Variants in DPY19L2 observed in about 807,000 individuals in gnomAD.
DPY19L2 encodes dpy-19 like 2, also known as probable C-mannosyltransferase DPY19L2.
In DPY19L2, 34 loss-of-function variants were observed where a neutral mutation model predicts 97.9. The ratio of observed to expected loss-of-function variants is 0.35; its 90% CI spans 0.26 to 0.46. The LOEUF is 0.46. Among genes scored for constraint, DPY19L2 ranks in the 20% least tolerant of loss-of-function variants. The probability of loss-of-function intolerance (pLI) is 1.00; values close to 1 mark genes in which losing one functional copy is unlikely to be tolerated. For synonymous variants in DPY19L2, 230 were observed against 307.9 expected, an observed-to-expected ratio of 0.75 and a Z score of 2.65; for missense variants, 623 against 911.4, an observed-to-expected ratio of 0.68 and a Z score of 4.07.
rs758845444 is a variant in DPY19L2, at chr12:63,583,827, G to C, written c.1590C>G (p.Leu530=). 1.2e-6 allele frequency: 2 copies of C among 1,611,002 alleles called. No individual in the cohort carries two copies. Among genetic ancestry groups the C allele is most frequent in the Non-Finnish European group, 1.7e-6 (2 of 1,178,016 alleles). The stretch of plus-strand genomic sequence containing the variant: ...AAAGCTTTACCTCACTGTGTTCAAG[G>C]AGCTGTTTTCTAGAATAAAACAAAA... ...LATNIYLRKQ[L]LEHSELAFHT... is the part of the protein sequence containing the mutation. Residue 530 remains leucine, a synonymous_variant, in exon 17 of 22, where the codon CTC becomes CTG. Coordinates refer to ENST00000324472, the MANE Select transcript of DPY19L2 (RefSeq NM_173812.5).
chr12:63,628,583 T>C (rs555896996), intron 6 of DPY19L2, among the ~76,000 whole-genome samples: 1 of 152,060 alleles, frequency 6.6e-6, no homozygotes, highest in Non-Finnish European at 1.5e-5. Context: ...TCGAACAGGG[T>C]GGAGCCCACC....
rs544358659 is a variant in DPY19L2, at chr12:63,579,563, T to C, written c.1900+1099A>G. Among the ~76,000 whole-genome samples the C allele has an allele frequency of 1.2e-4, 19 of 152,024 alleles. No individual in the cohort carries two copies. In the South Asian group the frequency reaches 3.7e-3, roughly 30 times the overall value. On this transcript the variant is annotated intron_variant, in intron 19 of 21. Transcript: ENST00000324472. ...TGTAGGCTCTCTGTCAGGAACCCAA[T>C]ACAAACACTGGAACAAAGAAAGACA...
chr12:63,616,861 A>G (rs7956162), intron 11 of DPY19L2, among the ~76,000 whole-genome samples: 44,698 of 151,792 alleles, frequency 0.29, 7,638 homozygotes, highest in African/African-American at 0.48. Context: ...ATATTCACAA[A>G]ATTTTGGTCA....
intron 19 of DPY19L2, among the ~76,000 whole-genome samples, chr12:63,572,741 G>A (rs1879114373): frequency 6.6e-6 from 1 of 152,102 alleles, no homozygotes; most frequent in Non-Finnish European, 1.5e-5. Flanking sequence ...GAAAGAGAGA[G>A]AGAGAGACTC....
chr12:63,627,454 G>A lies in DPY19L2; in HGVS notation c.804-928C>T, dbSNP rs189391601. 3.2e-3 allele frequency among the ~76,000 whole-genome samples: 484 copies of A among 152,112 alleles called. 3 individuals are homozygous for A. The highest frequency in any genetic ancestry group is 0.011 in the African/African-American group (470 of 41,494). ...AACCTCTGCCTCCCTGGTTCAAGCC[G>A]ATTCTTCTGCCTCAGCCTCCCGAGT... is the stretch of plus-strand genomic sequence containing the variant. On this transcript the variant is annotated intron_variant, in intron 6 of 21. Coordinates refer to ENST00000324472, the MANE Select transcript of DPY19L2 (RefSeq NM_173812.5).
At chr12:63,567,756 C>G (rs1878017009) in intron 21 of DPY19L2, among the ~76,000 whole-genome samples, 1 of 151,854 alleles carries the variant, frequency 6.6e-6, no homozygotes, top group Non-Finnish European at 1.5e-5. Flanking sequence ...TTTTTGGCCT[C>G]CATTTTAAAA....
rs1272695665 is a variant in DPY19L2 at position 63,662,975 on chromosome 12, T to C, written c.450+783A>G. On this transcript the variant is annotated intron_variant, in intron 3 of 21. Transcript: ENST00000324472. ...GTTTGGGATAGCAAAAAGTTCTGGA[T>C]GTGGACAGTGGTAATAGTTGCAAGA... Among the ~76,000 whole-genome samples, 7 of 152,212 alleles carry C rather than the reference T, an allele frequency of 4.6e-5. 1 individual carries two copies. Among genetic ancestry groups the C allele is most frequent in the Admixed American group, 6.5e-5 (1 of 15,284 alleles).
At chr12:63,562,176 C>T (rs888451367) in intron 21 of DPY19L2, among the ~76,000 whole-genome samples, 8 of 152,172 alleles carry the variant, frequency 5.3e-5, no homozygotes, top group Admixed American at 3.9e-4. Context: ...TACATATTAA[C>T]ATAGGTATAC....
In DPY19L2 at chr12:63,668,079, G is replaced by A. The variant is rs1412466326; in HGVS notation, c.315C>T (p.Ser105=). Residue 105 remains serine (S), a synonymous_variant, in exon 1 of 22, where the codon TCC becomes TCT. Coordinates refer to ENST00000324472, the MANE Select transcript of DPY19L2 (RefSeq NM_173812.5). ...KVQELQARRF[S]SRTTLGIAVF... ...CACCGATGCCGAGAGTGGTTCTGCTGGAGAACCGCCGCGCCTGCAGTTCCT... is the reference window on the plus strand; with the variant it reads ...CACCGATGCCGAGAGTGGTTCTGCTAGAGAACCGCCGCGCCTGCAGTTCCT... 2.5e-5 allele frequency: 40 copies of A among 1,613,864 alleles called. No homozygotes were observed. Among genetic ancestry groups the A allele is most frequent in the Non-Finnish European group, 3.3e-5 (39 of 1,179,966 alleles).
chr12:63,569,166 G>C, intron 21 of DPY19L2, 58 bp downstream of exon 21: 5 of 1,523,518 alleles, frequency 3.3e-6, no homozygotes, highest in South Asian at 1.3e-5. Context: ...CTATAATAAA[G>C]TGAAACATTT....
chr12:63,576,422 T>C (rs1879836026), intron 19 of DPY19L2, among the ~76,000 whole-genome samples: 1 of 151,810 alleles, frequency 6.6e-6, no homozygotes, highest in Non-Finnish European at 1.5e-5. Flanking sequence ...TTATTCAACA[T>C]AGTACTGGAA....
intron 6 of DPY19L2, among the ~76,000 whole-genome samples, chr12:63,635,969 A>G (rs1222379169): frequency 2.0e-5 from 3 of 152,124 alleles, no homozygotes; most frequent in Non-Finnish European, 4.4e-5. Flanking sequence ...CCCAAGACAC[A>G]TAATTGTCAG....
At chr12:63,634,179 G>A (rs528035619) in intron 6 of DPY19L2, among the ~76,000 whole-genome samples, 13 of 152,216 alleles carry the variant, frequency 8.5e-5, no homozygotes, top group African/African-American at 2.9e-4. Flanking sequence ...TAACCTGCAC[G>A]TTGTGCACAT....
intron 19 of DPY19L2, among the ~76,000 whole-genome samples, chr12:63,579,859 G>T (rs953402011): frequency 1.3e-5 from 2 of 151,968 alleles, no homozygotes; most frequent in African/African-American, 2.4e-5. Context: ...CAAAAAAGTG[G>T]CTATCAAATA....
chr12:63,588,726 T>G (rs1882252262), intron 16 of DPY19L2, among the ~76,000 whole-genome samples: 1 of 150,628 alleles, frequency 6.6e-6, no homozygotes, highest in South Asian at 2.1e-4. Context: ...CTGGTTTATA[T>G]AAACCAAAAG....
intron 12 of DPY19L2, among the ~76,000 whole-genome samples, chr12:63,607,882 G>A (rs1289205805): frequency 6.6e-6 from 1 of 151,706 alleles, no homozygotes; most frequent in East Asian, 1.9e-4. Context: ...CTCTGTCCAC[G>A]TTGGCCTCCC....
intron 11 of DPY19L2, among the ~76,000 whole-genome samples, chr12:63,613,760 G>T (rs922073566): frequency 6.6e-6 from 1 of 151,796 alleles, no homozygotes; most frequent in Non-Finnish European, 1.5e-5. Context: ...GTGAAGAGAA[G>T]AAACTTTTAG....
At chr12:63,574,065 T>C (rs1879377021) in intron 19 of DPY19L2, among the ~76,000 whole-genome samples, 1 of 152,018 alleles carries the variant, frequency 6.6e-6, no homozygotes, top group South Asian at 2.1e-4. Context: ...ACTACTTATA[T>C]GATAAGTAGA....
intron 4 of DPY19L2, among the ~76,000 whole-genome samples, chr12:63,657,505 C>T (rs1182724360): frequency 6.6e-6 from 1 of 152,130 alleles, no homozygotes; most frequent in Non-Finnish European, 1.5e-5. Context: ...TTGGGGGCTG[C>T]ACCCTTCATA....
Sources: gnomAD v4.1 joint callset for allele counts (sites outside exome capture counted in the v4.1 genomes callset) on GRCh38, gnomAD v4.1.1 for gene constraint, MANE v1.5 for transcripts, NCBI Gene and HGNC (gene_info 2026-07-23, HGNC 2026-07-21) for gene names.